The following CNBD1 variants were observed in gnomAD, a reference collection of about 807,000 sequenced individuals.
CNBD1 encodes the protein cyclic nucleotide binding domain containing 1, also known as cyclic nucleotide-binding domain-containing protein 1.
CNBD1 carries 71 observed loss-of-function variants against 54.4 expected under a neutral mutation model. The observed-to-expected ratio is 1.30, with a 90% CI of 1.08 to 1.59. The LOEUF (loss-of-function observed/expected upper bound fraction) is 1.59. Among genes scored for constraint, CNBD1 ranks in the 40% most tolerant of loss-of-function variants. CNBD1 has a pLI of 0.00. For missense variants in CNBD1, 659 were observed against 518.0 expected (o/e 1.27, Z -2.64); for synonymous variants, 182 against 170.7 (o/e 1.07, Z -0.51).
chr8:86,937,446 A>G (rs369116691), intron 3 of CNBD1, among the ~76,000 whole-genome samples: 3 of 152,070 alleles, frequency 2.0e-5, no homozygotes, highest in African/African-American at 7.3e-5. Context: ...ACAGTCCCCC[A>G]AAGTCTTAAC....
At chr8:87,083,431 C>A (rs1811035300) in intron 4 of CNBD1, among the ~76,000 whole-genome samples, 1 of 152,062 alleles carries the variant, frequency 6.6e-6, no homozygotes, top group Non-Finnish European at 1.5e-5. Context: ...TCTCCACAAT[C>A]TTTTATCTTA....
chr8:87,125,477 GCAT>G (rs1303075253), intron 4 of CNBD1, among the ~76,000 whole-genome samples: 12 of 151,686 alleles, frequency 7.9e-5, no homozygotes, highest in Admixed American at 1.3e-4. Flanking sequence ...ATATGCCCAT[GCAT>G]TTATAGTCAA....
At chr8:87,082,327 C>G (rs542681571) in intron 4 of CNBD1, among the ~76,000 whole-genome samples, 2 of 152,286 alleles carry the variant, frequency 1.3e-5, no homozygotes, top group South Asian at 4.1e-4. Context: ...CTGCCCCACC[C>G]CTATCTCCCT....
At chr8:86,908,335 T>C (rs1809048434) in intron 3 of CNBD1, among the ~76,000 whole-genome samples, 1 of 152,206 alleles carries the variant, frequency 6.6e-6, no homozygotes, top group South Asian at 2.1e-4. Context: ...TTCATATATG[T>C]AGGAAATCAA....
At chr8:87,367,436 G>C (rs1810664237) in intron 10 of CNBD1, among the ~76,000 whole-genome samples, 1 of 152,008 alleles carries the variant, frequency 6.6e-6, no homozygotes, top group Admixed American at 6.6e-5. Context: ...GCTTAGAACA[G>C]AACTCTTCGA....
At chr8:87,353,156 T>C (rs1049445116) in intron 9 of CNBD1, among the ~76,000 whole-genome samples, 2 of 152,210 alleles carry the variant, frequency 1.3e-5, no homozygotes, top group African/African-American at 4.8e-5. Context: ...CTTTTGTACT[T>C]AAACAGAAAA....
chr8:87,234,857 C>G (rs895083508), intron 5 of CNBD1, among the ~76,000 whole-genome samples: 7 of 152,146 alleles, frequency 4.6e-5, no homozygotes, highest in Non-Finnish European at 8.8e-5. Context: ...TCTCTTTTAG[C>G]TATAAAAGTA....
chr8:86,974,228 GA>G (rs569205501), intron 4 of CNBD1, among the ~76,000 whole-genome samples: 1 of 151,610 alleles, frequency 6.6e-6, no homozygotes, highest in Non-Finnish European at 1.5e-5. Flanking sequence ...CCAACAAGTT[GA>G]AAAAAAATTC....
intron 4 of CNBD1, among the ~76,000 whole-genome samples, chr8:87,188,672 G>T (rs557183685): frequency 6.6e-6 from 1 of 151,182 alleles, no homozygotes; most frequent in East Asian, 1.9e-4. Context: ...GTTGCAGTGA[G>T]CCGAGATTAT....
At chr8:87,053,472 G>A (rs1231529191) in intron 4 of CNBD1, among the ~76,000 whole-genome samples, 2 of 152,162 alleles carry the variant, frequency 1.3e-5, no homozygotes, top group South Asian at 2.1e-4. Context: ...AAAAGAGAAG[G>A]CATTCCTTAG....
chr8:87,419,493 ATGT>A (rs1009317261), intron 2 of CNBD1, among the ~76,000 whole-genome samples: 3 of 151,904 alleles, frequency 2.0e-5, no homozygotes, highest in African/African-American at 7.2e-5. Context: ...TTTGGAGAAA[ATGT>A]TGTTACATAT....
intron 8 of CNBD1, among the ~76,000 whole-genome samples, chr8:87,302,307 A>T (rs1809020190): frequency 6.6e-6 from 1 of 152,246 alleles, no homozygotes; most frequent in East Asian, 1.9e-4. Context: ...AGTGGGCTTC[A>T]TCGCTGGGAT....
intron 2 of CNBD1, among the ~76,000 whole-genome samples, chr8:86,901,598 C>T (rs189390181): frequency 1.3e-4 from 20 of 152,218 alleles, no homozygotes; most frequent in Admixed American, 1.3e-3. Flanking sequence ...TATTTCTTTC[C>T]CACATAATGC....
At chr8:86,950,156 G>T (rs1168857845) in intron 4 of CNBD1, among the ~76,000 whole-genome samples, 2 of 148,506 alleles carry the variant, frequency 1.3e-5, no homozygotes, top group Admixed American at 6.8e-5. Context: ...CTGCCTCCCG[G>T]GTTTAAGCAA....
intron 4 of CNBD1, among the ~76,000 whole-genome samples, chr8:87,018,776 C>A (rs1809421384): frequency 6.6e-6 from 1 of 151,952 alleles, no homozygotes; most frequent in African/African-American, 2.4e-5. Context: ...CCCTCTAGGC[C>A]CAGGGACTAT....
At chr8:87,347,043 A>T (rs964320330) in intron 8 of CNBD1, among the ~76,000 whole-genome samples, 1 of 152,096 alleles carries the variant, frequency 6.6e-6, no homozygotes, top group African/African-American at 2.4e-5. Context: ...CACTGAGAGT[A>T]TTGCTCTTTG....
At chr8:87,387,273 A>T (rs1811208604), downstream of CNBD1, among the ~76,000 whole-genome samples, 1 of 152,158 alleles carries the variant, frequency 6.6e-6, no homozygotes. Context: ...CTTACATGTA[A>T]ATGGGCTAAA....
chr8:87,284,887 A>G, intron 7 of CNBD1, 72 bp downstream of exon 7: 1 of 1,065,306 alleles, frequency 9.4e-7, no homozygotes, highest in Non-Finnish European at 1.3e-6. Context: ...GATTCTCTAG[A>G]CAAAGACAGC....
chr8:87,240,692 A>G (rs1343370802), intron 6 of CNBD1, among the ~76,000 whole-genome samples: 1 of 152,092 alleles, frequency 6.6e-6, no homozygotes, highest in African/African-American at 2.4e-5. Flanking sequence ...GGCTCTTTCC[A>G]GTCAGGAAAG....
Sources: allele counts gnomAD v4.1 joint callset (sites outside exome capture counted in the v4.1 genomes callset), GRCh38; gene constraint gnomAD v4.1.1; transcripts MANE v1.5; gene names NCBI Gene and HGNC (gene_info 2026-07-23, HGNC 2026-07-21).